Variants in ENAH observed in about 807,000 individuals in gnomAD.
ENAH encodes the protein protein enabled homolog.
In ENAH, 23 loss-of-function variants were observed where a neutral mutation model predicts 78.7. The observed-to-expected ratio is 0.29, with a 90% CI of 0.21 to 0.41. The LOEUF (loss-of-function observed/expected upper bound fraction) is 0.41. ENAH is among the 10% of genes least tolerant of loss of function. ENAH has a pLI of 1.00. For missense variants in ENAH, 544 were observed against 691.0 expected (o/e 0.79, Z 2.39); for synonymous variants, 226 against 241.0 (o/e 0.94, Z 0.58).
chr1:225,568,250 C>T (rs577626713), intron 1 of ENAH, among the ~76,000 whole-genome samples: 1 of 152,188 alleles, frequency 6.6e-6, no homozygotes. Context: ...AATAGAGACG[C>T]CAGGCACGAT....
At chr1:225,649,906 CCT>C (rs1246370604) in intron 1 of ENAH, among the ~76,000 whole-genome samples, 5 of 152,142 alleles carry the variant, frequency 3.3e-5, no homozygotes, top group African/African-American at 4.8e-5. Context: ...TTCAGGCATT[CCT>C]ATTTCTGGAT....
At chr1:225,629,750 T>C (rs185576244) in intron 1 of ENAH, among the ~76,000 whole-genome samples, 292 of 152,326 alleles carry the variant, frequency 1.9e-3, no homozygotes, top group African/African-American at 6.9e-3. Flanking sequence ...CTCCTTGCAA[T>C]GTTTTTCTCC....
intron 1 of ENAH, among the ~76,000 whole-genome samples, chr1:225,633,225 T>G (rs1240670592): frequency 6.6e-6 from 1 of 151,056 alleles, no homozygotes; most frequent in Admixed American, 6.6e-5. Flanking sequence ...TTTTTTTTTG[T>G]ATTTTTATTA....
intron 1 of ENAH, among the ~76,000 whole-genome samples, chr1:225,619,364 A>C (rs1315736374): frequency 1.3e-5 from 2 of 152,216 alleles, no homozygotes; most frequent in African/African-American, 4.8e-5. Flanking sequence ...CCAACATGGT[A>C]AAACCCTGTT....
At chr1:225,600,612 C>T (rs955692616) in intron 1 of ENAH, among the ~76,000 whole-genome samples, 1 of 151,902 alleles carries the variant, frequency 6.6e-6, no homozygotes, top group African/African-American at 2.4e-5. Context: ...GATCTGAGCA[C>T]TTTGAGAAGC....
intron 1 of ENAH, among the ~76,000 whole-genome samples, chr1:225,618,923 C>T (rs78064094): frequency 0.01 from 1,590 of 152,300 alleles, 15 homozygotes; most frequent in Non-Finnish European, 0.015. Flanking sequence ...AGAAGGCCTA[C>T]TTTCTGGCCC....
intron 1 of ENAH, among the ~76,000 whole-genome samples, chr1:225,577,782 T>C (rs958016964): frequency 2.6e-5 from 4 of 152,268 alleles, no homozygotes; most frequent in Middle Eastern, 3.4e-3. Flanking sequence ...AAAAATCTCT[T>C]AAAATAGGGG....
intron 1 of ENAH, among the ~76,000 whole-genome samples, chr1:225,616,170 T>C (rs1287722833): frequency 6.6e-6 from 1 of 152,036 alleles, no homozygotes; most frequent in Non-Finnish European, 1.5e-5. Context: ...TAATCTCAAG[T>C]ACCCAGGGAC....
chr1:225,497,739 C>G lies in ENAH; in HGVS notation c.*36G>C. 1 of 1,599,400 alleles carries G rather than the reference C, an allele frequency of 6.3e-7. No individual in the cohort carries two copies. The highest frequency in any genetic ancestry group is 2.2e-5 in the East Asian group (1 of 44,704). On this transcript the variant is annotated 3_prime_UTR_variant, in exon 14 of 14. Transcript: ENST00000366843. ...TTGTTGTTTGTAGGATATTTTTCCT[C>G]CAGATTAAAGTCCTATCTCTCCTTA...
intron 1 of ENAH, among the ~76,000 whole-genome samples, chr1:225,567,650 A>C (rs1327034338): frequency 6.6e-6 from 1 of 152,198 alleles, no homozygotes; most frequent in Non-Finnish European, 1.5e-5. Context: ...TCCACGAAGA[A>C]CACTTAGATA....
In ENAH at chr1:225,592,013, A is replaced by G. The variant is rs76222478; in HGVS notation, c.6-24599T>C. On this transcript the variant is annotated intron_variant, in intron 1 of 13. Transcript: ENST00000366843. ...CTCTGTTCCCTGATTTCTAGAGTATAATAATAACAGTAATACCTCATGGAT... is the reference window on the plus strand; with the variant it reads ...CTCTGTTCCCTGATTTCTAGAGTATGATAATAACAGTAATACCTCATGGAT... Among the ~76,000 whole-genome samples, 315 of 152,304 alleles carry G rather than the reference A, an allele frequency of 2.1e-3. 3 individuals carry two copies. Among genetic ancestry groups the G allele is most frequent in the African/African-American group, 7.4e-3 (306 of 41,576 alleles).
At chr1:225,577,704 C>A (rs1459064785) in intron 1 of ENAH, among the ~76,000 whole-genome samples, 1 of 152,172 alleles carries the variant, frequency 6.6e-6, no homozygotes, top group Non-Finnish European at 1.5e-5. Flanking sequence ...AAATGACCAT[C>A]AAAAGCAAGA....
rs539107226 is a variant in ENAH, at chr1:225,564,826, C to T, written c.171+2423G>A. The stretch of plus-strand genomic sequence containing the variant: ...TCTTTTTAATATTTTCTTCTGTTTT[C>T]TTTGGGTTAAGCTCATTATTTTTTA... On this transcript the variant is annotated intron_variant, in intron 2 of 13. Transcript: ENST00000366843. Among the ~76,000 whole-genome samples the T allele has an allele frequency of 2.0e-5, 3 of 151,838 alleles. No individual in the cohort carries two copies. In the South Asian group the frequency reaches 6.3e-4, roughly 32 times the overall value.
intron 1 of ENAH, among the ~76,000 whole-genome samples, chr1:225,589,178 G>A (rs1181318733): frequency 1.3e-5 from 2 of 152,108 alleles, no homozygotes; most frequent in African/African-American, 4.8e-5. Flanking sequence ...GACATGGGAA[G>A]GAGCTTCAGG....
At chr1:225,643,861 C>G (rs889209442) in intron 1 of ENAH, among the ~76,000 whole-genome samples, 13 of 152,166 alleles carry the variant, frequency 8.5e-5, no homozygotes, top group Admixed American at 7.2e-4. Flanking sequence ...CGCTTGAGCC[C>G]AGGAGTTCGA....
intron 1 of ENAH, among the ~76,000 whole-genome samples, chr1:225,587,060 G>A (rs952138490): frequency 1.3e-5 from 2 of 152,084 alleles, no homozygotes; most frequent in South Asian, 4.1e-4. Flanking sequence ...ATGTGATAAA[G>A]ATCATATATT....
chr1:225,595,488 A>C (rs2096898124), intron 1 of ENAH, among the ~76,000 whole-genome samples: 5 of 152,210 alleles, frequency 3.3e-5, no homozygotes. Context: ...CCAGTCTCCT[A>C]ATCATGAAAT....
chr1:225,515,562 T>TA (rs2096411057), intron 6 of ENAH, among the ~76,000 whole-genome samples: 3 of 152,252 alleles, frequency 2.0e-5, no homozygotes, highest in Admixed American at 2.0e-4. Context: ...GAGTTGTTTT[T>TA]ATCCCACAAA....
intron 1 of ENAH, among the ~76,000 whole-genome samples, chr1:225,569,595 A>C (rs1026534777): frequency 1.3e-5 from 2 of 152,230 alleles, no homozygotes; most frequent in Non-Finnish European, 2.9e-5. Context: ...TTTTAAGTAT[A>C]AGAAATCTAA....
Sources: gnomAD v4.1 joint callset for allele counts (sites outside exome capture counted in the v4.1 genomes callset) on GRCh38, gnomAD v4.1.1 for gene constraint, MANE v1.5 for transcripts, NCBI Gene and HGNC (gene_info 2026-07-23, HGNC 2026-07-21) for gene names.